Variants in SPIDR observed in about 807,000 individuals in gnomAD.
The protein encoded by SPIDR is DNA repair-scaffolding protein.
A neutral mutation model predicts 104.6 loss-of-function variants in SPIDR; 93 were observed. The observed-to-expected ratio is 0.89, with a 90% CI of 0.75 to 1.06. SPIDR has a LOEUF of 1.06. Among genes scored for constraint, SPIDR ranks in the 50% least tolerant of loss-of-function variants. SPIDR has a pLI of 0.00. For synonymous variants in SPIDR, 431 were observed against 416.9 expected, an observed-to-expected ratio of 1.03 and a Z score of -0.41; for missense variants, 1,154 against 1,111.2, an observed-to-expected ratio of 1.04 and a Z score of -0.55.
At chr8:47,268,004 T>C (rs1554548010) in intron 1 of SPIDR, among the ~76,000 whole-genome samples, 1 of 152,186 alleles carries the variant, frequency 6.6e-6, no homozygotes, top group African/African-American at 2.4e-5. Flanking sequence ...TGGAGTTAAT[T>C]TTTCTACACA....
intron 8 of SPIDR, among the ~76,000 whole-genome samples, chr8:47,549,120 A>T (rs568519612): frequency 1.3e-5 from 2 of 152,340 alleles, no homozygotes; most frequent in Admixed American, 1.3e-4. Context: ...TTATGGCTGC[A>T]TAGTATTCCA....
At chr8:47,720,228 T>G (rs1178258406) in intron 16 of SPIDR, among the ~76,000 whole-genome samples, 2 of 152,266 alleles carry the variant, frequency 1.3e-5, no homozygotes, top group Non-Finnish European at 2.9e-5. Context: ...TTCCATTGCA[T>G]GGATGTACCA....
intron 10 of SPIDR, among the ~76,000 whole-genome samples, chr8:47,640,718 C>G (rs1371674430): frequency 1.3e-5 from 2 of 151,820 alleles, no homozygotes; most frequent in African/African-American, 4.8e-5. Context: ...CGCTCTATCG[C>G]CCAGGCTGGA....
At chr8:47,354,419 C>A (rs2054134949) in intron 5 of SPIDR, among the ~76,000 whole-genome samples, 1 of 151,200 alleles carries the variant, frequency 6.6e-6, no homozygotes, top group Non-Finnish European at 1.5e-5. Flanking sequence ...AGGATTGGAG[C>A]TTATTGATCA....
At chr8:47,629,465 A>G (rs1394041858) in intron 10 of SPIDR, among the ~76,000 whole-genome samples, 1 of 152,232 alleles carries the variant, frequency 6.6e-6, no homozygotes, top group African/African-American at 2.4e-5. Context: ...AACTTTAGGT[A>G]CAAAGGGCCA....
At chr8:47,518,090 A>C (rs2083430936) in intron 8 of SPIDR, among the ~76,000 whole-genome samples, 1 of 152,260 alleles carries the variant, frequency 6.6e-6, no homozygotes, top group Admixed American at 6.5e-5. Flanking sequence ...ATTTAAAGTA[A>C]TTGTAGGCTA....
At chr8:47,642,397 C>T (rs1449775548) in intron 10 of SPIDR, among the ~76,000 whole-genome samples, 2 of 137,698 alleles carry the variant, frequency 1.5e-5, no homozygotes, top group Non-Finnish European at 3.0e-5. Context: ...GCCTGGGCGA[C>T]AGAGCGAGAC....
chr8:47,319,666 T>G (rs1306301073), intron 5 of SPIDR, among the ~76,000 whole-genome samples: 1 of 152,074 alleles, frequency 6.6e-6, no homozygotes, highest in Non-Finnish European at 1.5e-5. Flanking sequence ...CACACCGCAC[T>G]TATTCCAAAA....
chr8:47,545,021 A>G (rs958229728), intron 8 of SPIDR, among the ~76,000 whole-genome samples: 6 of 151,738 alleles, frequency 4.0e-5, no homozygotes, highest in African/African-American at 1.5e-4. Context: ...TTTAGCATAC[A>G]GCTCTTACAG....
intron 10 of SPIDR, among the ~76,000 whole-genome samples, chr8:47,637,562 G>A (rs1379395601): frequency 6.6e-6 from 1 of 152,036 alleles, no homozygotes. Context: ...AGAGCAAGAC[G>A]TGCTCTCAAA....
intron 10 of SPIDR, among the ~76,000 whole-genome samples, chr8:47,636,240 C>T (rs2067901414): frequency 6.6e-6 from 1 of 152,202 alleles, no homozygotes; most frequent in Non-Finnish European, 1.5e-5. Context: ...ACACCACCAA[C>T]CACACCTATA....
intron 5 of SPIDR, among the ~76,000 whole-genome samples, chr8:47,309,683 A>G (rs1404434312): frequency 1.3e-5 from 2 of 152,170 alleles, no homozygotes; most frequent in Non-Finnish European, 2.9e-5. Context: ...TTCTGATATA[A>G]GAAGGACTAT....
intron 7 of SPIDR, among the ~76,000 whole-genome samples, chr8:47,411,474 G>A (rs1448927867): frequency 6.6e-6 from 1 of 152,152 alleles, no homozygotes; most frequent in African/African-American, 2.4e-5. Flanking sequence ...AGAAGTGTCT[G>A]TTCATATCCT....
chr8:47,627,930 G>A (rs145019818), intron 10 of SPIDR, among the ~76,000 whole-genome samples: 4 of 152,168 alleles, frequency 2.6e-5, no homozygotes, highest in Admixed American at 2.6e-4. Context: ...GGGCTGCCTG[G>A]TAGTGCACAG....
intron 8 of SPIDR, among the ~76,000 whole-genome samples, chr8:47,503,547 G>T (rs1048677503): frequency 5.3e-5 from 8 of 152,112 alleles, no homozygotes; most frequent in Non-Finnish European, 8.8e-5. Flanking sequence ...CGTGAGATGG[G>T]TTTCCTCAAT....
chr8:47,273,544 C>T (rs1313455787), intron 1 of SPIDR, among the ~76,000 whole-genome samples: 1 of 151,986 alleles, frequency 6.6e-6, no homozygotes. Context: ...GTATGTTCAG[C>T]AACTGAGAAG....
intron 5 of SPIDR, among the ~76,000 whole-genome samples, chr8:47,314,633 G>A (rs1310439954): frequency 6.6e-6 from 1 of 152,066 alleles, no homozygotes; most frequent in Non-Finnish European, 1.5e-5. Context: ...TAGCATGAGG[G>A]TAACTGCTCC....
At chr8:47,315,712 G>C (rs1325910688) in intron 5 of SPIDR, among the ~76,000 whole-genome samples, 1 of 152,116 alleles carries the variant, frequency 6.6e-6, no homozygotes, top group Admixed American at 6.5e-5. Context: ...GAGCAGAACA[G>C]ATAACTGATA....
chr8:47,462,175 A>G (rs1276214457), intron 8 of SPIDR, among the ~76,000 whole-genome samples: 1 of 151,992 alleles, frequency 6.6e-6, no homozygotes, highest in South Asian at 2.1e-4. Context: ...TGTAGTGATT[A>G]TTATTTCTCT....
Sources: allele counts gnomAD v4.1 joint callset (sites outside exome capture counted in the v4.1 genomes callset), GRCh38; gene constraint gnomAD v4.1.1; transcripts MANE v1.5; gene names NCBI Gene and HGNC (gene_info 2026-07-23, HGNC 2026-07-21).